Variants in TXLNB observed in about 807,000 individuals in gnomAD.
TXLNB encodes taxilin beta.
A neutral mutation model predicts 57.4 loss-of-function variants in TXLNB; 37 were observed. That is an observed-to-expected ratio of 0.64 (90% CI 0.50 to 0.85). The LOEUF (loss-of-function observed/expected upper bound fraction) is 0.85, where lower values mean the gene tolerates loss of function less well. Ranked by LOEUF, TXLNB falls within the 40% of genes least tolerant of loss-of-function variation. The pLI, the probability that TXLNB is intolerant of heterozygous loss-of-function variation, is 0.00. For missense variants in TXLNB, 848 were observed against 825.6 expected (o/e 1.03, Z -0.33); for synonymous variants, 302 against 309.6 (o/e 0.98, Z 0.26).
chr6:139,221,775 T>C, the TXLNB span, among the ~76,000 whole-genome samples: 8 of 152,190 alleles, frequency 5.3e-5, no homozygotes, highest in Non-Finnish European at 1.2e-4. Flanking sequence ...GGCTTAGATA[T>C]AATTGAAGAG....
the TXLNB span, among the ~76,000 whole-genome samples, chr6:139,194,083 C>T: frequency 4.6e-5 from 7 of 151,826 alleles, no homozygotes; most frequent in Admixed American, 1.3e-4. Context: ...CCTCGTGATC[C>T]GCCCGCCTCG....
the TXLNB span, among the ~76,000 whole-genome samples, chr6:139,320,118 C>G: frequency 6.6e-6 from 1 of 152,036 alleles, no homozygotes; most frequent in Non-Finnish European, 1.5e-5. Context: ...ATTATTAACT[C>G]TTTAAAATAA....
At chr6:139,226,078 C>T in the TXLNB span, among the ~76,000 whole-genome samples, 20 of 151,946 alleles carry the variant, frequency 1.3e-4, no homozygotes, top group African/African-American at 3.9e-4. Flanking sequence ...GCATGTGGAT[C>T]GCTGGAGCAC....
chr6:139,262,510 C>G lies in TXLNB; in HGVS notation c.882+69G>C, dbSNP rs1776508434. 29 of 1,386,144 alleles carry G rather than the reference C, an allele frequency of 2.1e-5. No homozygotes were observed. In the South Asian group the frequency reaches 2.1e-4, roughly 10 times the overall value. The allele number at this position is 1,386,144 out of a possible 1,614,324, so 85.9% of individuals were successfully genotyped here. A position where few individuals can be genotyped will look rare whatever the true frequency, so the allele number is the denominator to read the frequency against. Reference sequence around the variant, plus strand: ...GGCTGGCTGTAACTGTCTTATTAACCAAGTTCCCACCTTTAGCTCCCAGAT... The same window carrying G: ...GGCTGGCTGTAACTGTCTTATTAACGAAGTTCCCACCTTTAGCTCCCAGAT... On this transcript the variant is annotated intron_variant, in intron 5 of 9. Transcript: ENST00000358430.
At chr6:139,315,931 A>G in the TXLNB span, among the ~76,000 whole-genome samples, 1 of 152,190 alleles carries the variant, frequency 6.6e-6, no homozygotes, top group Non-Finnish European at 1.5e-5. Flanking sequence ...GTTACAAGCC[A>G]AAAAGATACA....
At chr6:139,179,293 AC>A in the TXLNB span, 1 of 152,154 alleles carries the variant, frequency 6.6e-6, no homozygotes, top group South Asian at 2.1e-4. Context: ...CTGATCTTTA[AC>A]CCACCTAAAA....
At position 139,244,578 on chromosome 6, in the gene TXLNB, G is replaced by A. The variant is rs1283644522; in HGVS notation, c.1266+17C>T. On this transcript the variant is annotated intron_variant, in intron 9 of 9. Transcript: ENST00000358430. Reference sequence around the variant, plus strand: ...ACTAGACAGAGGGGATTAAAGCTAAGGGAGAAACTTCCTCACCTCTTCAAT... The same window carrying A: ...ACTAGACAGAGGGGATTAAAGCTAAAGGAGAAACTTCCTCACCTCTTCAAT... 2 of 1,563,410 alleles carry A rather than the reference G, an allele frequency of 1.3e-6. No individual in the cohort carries two copies. The highest frequency in any genetic ancestry group is 3.3e-5 in the Admixed American group (2 of 59,888).
chr6:139,162,173 C>T, the TXLNB span, among the ~76,000 whole-genome samples: 1 of 152,132 alleles, frequency 6.6e-6, no homozygotes. Context: ...TGAAGAGTCC[C>T]CATGATGAGG....
At chr6:139,264,568 G>GTTTTT (rs1776567074) in intron 4 of TXLNB, among the ~76,000 whole-genome samples, 1 of 151,900 alleles carries the variant, frequency 6.6e-6, no homozygotes, top group African/African-American at 2.4e-5. Context: ...GTTTTGTTTT[G>GTTTTT]TTTTGTTTTG....
the TXLNB span, among the ~76,000 whole-genome samples, chr6:139,188,526 T>C: frequency 6.6e-6 from 1 of 152,176 alleles, no homozygotes; most frequent in Non-Finnish European, 1.5e-5. Context: ...TTTTAAAAAA[T>C]CTAATCGAAA....
At chr6:139,257,872 G>C (rs943651) in intron 6 of TXLNB, among the ~76,000 whole-genome samples, 2 of 151,888 alleles carry the variant, frequency 1.3e-5, no homozygotes, top group Non-Finnish European at 2.9e-5. Context: ...TTGTAAAATG[G>C]GTTGCATTTG....
At chr6:139,264,735 T>A (rs1160217411) in intron 4 of TXLNB, among the ~76,000 whole-genome samples, 1 of 152,046 alleles carries the variant, frequency 6.6e-6, no homozygotes, top group Non-Finnish European at 1.5e-5. Flanking sequence ...AATTTTTTTA[T>A]TTTTAGTAGA....
the TXLNB span, chr6:139,201,657 A>C: frequency 3.3e-5 from 5 of 152,212 alleles, no homozygotes. Context: ...ACACTTCTCT[A>C]ATGCTAGTAC....
At chr6:139,264,480 TCAAA>T (rs760356987) in intron 4 of TXLNB, among the ~76,000 whole-genome samples, 2 of 152,288 alleles carry the variant, frequency 1.3e-5, no homozygotes, top group Non-Finnish European at 1.5e-5. Flanking sequence ...TAAATAAATG[TCAAA>T]CAAACAATCA....
chr6:139,199,113 G>A, the TXLNB span, among the ~76,000 whole-genome samples: 39 of 151,738 alleles, frequency 2.6e-4, no homozygotes, highest in African/African-American at 8.2e-4. Flanking sequence ...AGCCTACAGG[G>A]CCCATGTTGT....
At chr6:139,244,057 A>C (rs1159267156) in intron 9 of TXLNB, among the ~76,000 whole-genome samples, 1 of 152,108 alleles carries the variant, frequency 6.6e-6, no homozygotes. Context: ...GTCAGGGGCC[A>C]TGTATCTTTG....
chr6:139,275,373 A>G (rs1776868667), intron 3 of TXLNB, among the ~76,000 whole-genome samples: 1 of 152,222 alleles, frequency 6.6e-6, no homozygotes, highest in African/African-American at 2.4e-5. Context: ...CCAGATATCA[A>G]CTTATATGTA....
At chr6:139,296,130 A>T (rs1053742373), upstream of TXLNB, among the ~76,000 whole-genome samples, 1 of 151,454 alleles carries the variant, frequency 6.6e-6, no homozygotes, top group Non-Finnish European at 1.5e-5. Context: ...AATTCCCTTT[A>T]CCTCTCTCCT....
the TXLNB span, among the ~76,000 whole-genome samples, chr6:139,207,009 G>C: frequency 6.6e-6 from 1 of 152,146 alleles, no homozygotes; most frequent in Admixed American, 6.5e-5. Flanking sequence ...TAAGAAATGA[G>C]ATGGATAGGA....
Sources: allele counts gnomAD v4.1 joint callset (sites outside exome capture counted in the v4.1 genomes callset), GRCh38; gene constraint gnomAD v4.1.1; transcripts MANE v1.5; gene names NCBI Gene and HGNC (gene_info 2026-07-23, HGNC 2026-07-21).